SLC47A1: variants seen among roughly 807,000 people sequenced by gnomAD.
SLC47A1 encodes multidrug and toxin extrusion protein 1.
Under a neutral mutation model 65.8 loss-of-function variants are expected in SLC47A1, and 58 were observed. The observed-to-expected ratio is 0.88, with a 90% CI of 0.71 to 1.10. The LOEUF is 1.10. Among genes scored for constraint, SLC47A1 ranks in the 50% least tolerant of loss-of-function variants. SLC47A1 has a pLI of 0.00. For missense variants in SLC47A1, 706 were observed against 719.2 expected (o/e 0.98, Z 0.21); for synonymous variants, 285 against 295.0 (o/e 0.97, Z 0.35).
chr17:19,560,202 C>T lies in SLC47A1; in HGVS notation c.936C>T (p.Phe312=), dbSNP rs267604772. 6.2e-7 allele frequency: 1 copy of T among 1,612,440 alleles called. No homozygotes were observed. The highest frequency in any genetic ancestry group is 8.5e-7 in the Non-Finnish European group (1 of 1,179,702). The change falls in exon 11 of 17, where the codon TTC becomes TTT. Residue 312 remains phenylalanine, a synonymous_variant. Coordinates refer to ENST00000270570, the MANE Select transcript of SLC47A1 (RefSeq NM_018242.3). Reference sequence around the variant, plus strand: ...TTTTATTTTAGGTCCCTGCAGGCTTCAGTGTGGCTGCCAGTGTCCGGGTAG... The same window carrying T: ...TTTTATTTTAGGTCCCTGCAGGCTTTAGTGTGGCTGCCAGTGTCCGGGTAG... ...AIIVYMVPAG[F]SVAASVRVGN... is the part of the protein sequence containing the mutation.
chr17:19,575,387 T>C (rs1460257386), intron 16 of SLC47A1, among the ~76,000 whole-genome samples: 1 of 150,494 alleles, frequency 6.6e-6, no homozygotes, highest in Non-Finnish European at 1.5e-5. Flanking sequence ...TAGGACATTT[T>C]CTTATTATTA....
chr17:19,577,037 G>A (rs2084445965), intron 16 of SLC47A1, among the ~76,000 whole-genome samples: 1 of 152,084 alleles, frequency 6.6e-6, no homozygotes, highest in Non-Finnish European at 1.5e-5. Context: ...ATGAGCCACC[G>A]CGCCCGGCTT....
At chr17:19,555,149 G>C (rs1916565808) in intron 6 of SLC47A1, 63 bp from the exon 7 acceptor site, 2 of 1,469,116 alleles carry the variant, frequency 1.4e-6, no homozygotes, top group Non-Finnish European at 1.9e-6. Context: ...TGTGTGCTTG[G>C]GTAGCAGAAA....
At chr17:19,559,419 G>T (rs1176367738) in intron 10 of SLC47A1, among the ~76,000 whole-genome samples, 1 of 152,236 alleles carries the variant, frequency 6.6e-6, no homozygotes, top group African/African-American at 2.4e-5. Context: ...CTACTTGAGA[G>T]GCTGAGGTTG....
At chr17:19,540,204 G>A (rs2152312070) in intron 1 of SLC47A1, among the ~76,000 whole-genome samples, 1 of 152,266 alleles carries the variant, frequency 6.6e-6, no homozygotes. Flanking sequence ...AATTTGTGAT[G>A]GTAAGATCTG....
chr17:19,554,001 G>A (rs1006692008), intron 6 of SLC47A1, among the ~76,000 whole-genome samples: 18 of 152,056 alleles, frequency 1.2e-4, no homozygotes, highest in African/African-American at 3.9e-4. Flanking sequence ...ACAAGTTGTC[G>A]GCCAAGACCA....
intron 10 of SLC47A1, chr17:19,557,446 T>C (rs539530307): frequency 2.9e-6 from 1 of 348,672 alleles, no homozygotes; most frequent in East Asian, 7.2e-5. Flanking sequence ...CAATTTCCTA[T>C]GGTTGAATAG....
chr17:19,542,523 C>A, intron 2 of SLC47A1, 29 bp downstream of exon 2: 1 of 1,555,016 alleles, frequency 6.4e-7, no homozygotes, highest in Middle Eastern at 1.7e-4. Flanking sequence ...GCAGGTTTAC[C>A]AACACTGTCT....
In SLC47A1 at chr17:19,560,209, G is replaced by A; in HGVS notation, c.943G>A (p.Ala315Thr). The A allele has an allele frequency of 1.2e-6, 2 of 1,612,752 alleles. No individual in the cohort carries two copies. The highest frequency in any genetic ancestry group is 1.7e-6 in the Non-Finnish European group (2 of 1,179,834). Reference protein sequence around the residue: ...VYMVPAGFSVAASVRVGNALG... With the variant: ...VYMVPAGFSVTASVRVGNALG... The stretch of plus-strand genomic sequence containing the variant: ...TTAGGTCCCTGCAGGCTTCAGTGTG[G>A]CTGCCAGTGTCCGGGTAGGAAACGC... The change falls in exon 11 of 17, where the codon GCT (alanine) becomes ACT (threonine). Residue 315 changes from alanine to threonine, a missense_variant. By Grantham distance (58) the Ala-to-Thr change is moderately conservative. Coordinates refer to ENST00000270570, the MANE Select transcript of SLC47A1 (RefSeq NM_018242.3).
chr17:19,566,609 G>A (rs1217319468), intron 12 of SLC47A1, among the ~76,000 whole-genome samples, 181 bp from the exon 13 acceptor site: 2 of 151,978 alleles, frequency 1.3e-5, no homozygotes. Flanking sequence ...ATTTTTAGTA[G>A]ATACGGGGTT....
chr17:19,534,359 C>T (rs1915932798), intron 1 of SLC47A1: 7 of 370,624 alleles, frequency 1.9e-5, no homozygotes, highest in Non-Finnish European at 4.9e-6. Flanking sequence ...CGGCTCCAGC[C>T]TCCTGCGCCA....
At position 19,551,023 on chromosome 17, in the gene SLC47A1, C is replaced by T. The variant is rs552391796; in HGVS notation, c.499-401C>T. ...TTGCCCTCAGAATTGGCAGTGTGCT[C>T]GCTTACTTATCCTGAAACCTTGTAA... On this transcript the variant is annotated intron_variant, in intron 5 of 16. Transcript: ENST00000270570. Among the ~76,000 whole-genome samples the T allele has an allele frequency of 1.4e-3, 215 of 152,294 alleles. 1 individual carries two copies. The highest frequency in any genetic ancestry group is 4.5e-3 in the African/African-American group (186 of 41,564).
chr17:19,566,035 C>T (rs887527582), intron 12 of SLC47A1, among the ~76,000 whole-genome samples: 2 of 152,244 alleles, frequency 1.3e-5, no homozygotes, highest in African/African-American at 2.4e-5. Flanking sequence ...GCTTTCCACC[C>T]GCTAGTTATT....
intron 4 of SLC47A1, among the ~76,000 whole-genome samples, chr17:19,548,973 T>C (rs114186802): frequency 0.022 from 3,392 of 152,210 alleles, 130 homozygotes; most frequent in South Asian, 0.088. Flanking sequence ...AAGACATTTC[T>C]GGTTATCACA....
intron 15 of SLC47A1, 103 bp from the exon 16 acceptor site, chr17:19,572,677 G>C (rs1277255938): frequency 9.9e-7 from 1 of 1,011,862 alleles, no homozygotes; most frequent in East Asian, 2.4e-5. Flanking sequence ...AGCTATACAT[G>C]CCAATTAAGG....
rs756021414 is a variant in SLC47A1 at position 19,574,824 on chromosome 17, C to T, written c.1486+1963C>T. Among the ~76,000 whole-genome samples, 12 of 152,110 alleles carry T rather than the reference C, an allele frequency of 7.9e-5. No individual in the cohort carries two copies. The East Asian group carries it at 1.3e-3, about 17-fold the overall frequency. Reference sequence around the variant, plus strand: ...CTAATATTTGTATTTTTAGCAGAGACGGGATTTCACCATGTTGGCCAGACT... The same window carrying T: ...CTAATATTTGTATTTTTAGCAGAGATGGGATTTCACCATGTTGGCCAGACT... On this transcript the variant is annotated intron_variant, in intron 16 of 16. Coordinates refer to ENST00000270570, the MANE Select transcript of SLC47A1 (RefSeq NM_018242.3).
chr17:19,547,909 C>T (rs1428523506), intron 3 of SLC47A1, 76 bp from the exon 4 acceptor site: 69 of 1,461,222 alleles, frequency 4.7e-5, no homozygotes, highest in Non-Finnish European at 5.8e-5. Flanking sequence ...TTGTGTGGCA[C>T]AATTGAAGGC....
Position 19,577,693 on chromosome 17 carries a change from T to C in SLC47A1, c.*140T>C. ...TGAGGGCTGGAAATGCAAAGACACA[T>C]TTTTCTATAAAAAGAAAAAGCAACT... is the stretch of plus-strand genomic sequence containing the variant. On this transcript the variant is annotated 3_prime_UTR_variant, in exon 17 of 17. Transcript: ENST00000270570. The C allele has an allele frequency of 6.9e-7, 1 of 1,454,460 alleles. No homozygotes were observed. The highest frequency in any genetic ancestry group is 9.0e-7 in the Non-Finnish European group (1 of 1,111,086). The allele number at this position is 1,454,460 out of a possible 1,614,324, so 90.1% of individuals were successfully genotyped here.
chr17:19,565,608 T>A (rs2084350024), intron 12 of SLC47A1, among the ~76,000 whole-genome samples: 1 of 133,824 alleles, frequency 7.5e-6, no homozygotes, highest in African/African-American at 2.9e-5. Flanking sequence ...TGAGATGGAC[T>A]CTCGCTCTGT....
Sources: gnomAD v4.1 joint callset for allele counts (sites outside exome capture counted in the v4.1 genomes callset) on GRCh38, gnomAD v4.1.1 for gene constraint, MANE v1.5 for transcripts, NCBI Gene and HGNC (gene_info 2026-07-23, HGNC 2026-07-21) for gene names.